Variants in TTC17 observed in about 807,000 individuals in gnomAD.
The protein encoded by TTC17 is tetratricopeptide repeat protein 17.
In TTC17, 58 loss-of-function variants were observed where a neutral mutation model predicts 143.8. The ratio of observed to expected loss-of-function variants is 0.40; its 90% CI spans 0.33 to 0.50. TTC17 has a LOEUF of 0.50. Ranked by LOEUF, TTC17 falls within the 20% of genes least tolerant of loss-of-function variation. The probability of loss-of-function intolerance (pLI) is 0.49; values close to 1 mark genes in which losing one functional copy is unlikely to be tolerated. For synonymous variants in TTC17, 501 were observed against 497.8 expected, an observed-to-expected ratio of 1.01 and a Z score of -0.09; for missense variants, 1,273 against 1,392.5, an observed-to-expected ratio of 0.91 and a Z score of 1.37.
intron 21 of TTC17, among the ~76,000 whole-genome samples, chr11:43,475,736 C>G (rs1006274160): frequency 6.6e-6 from 1 of 152,130 alleles, no homozygotes; most frequent in Admixed American, 6.6e-5. Flanking sequence ...CGTTGGTGCT[C>G]AAAAAGTTTG....
Position 43,407,471 on chromosome 11 carries a change from A to C in TTC17, c.1958A>C (p.Tyr653Ser). 1 of 1,614,078 alleles carries C rather than the reference A, an allele frequency of 6.2e-7. No individual in the cohort carries two copies. Among genetic ancestry groups the C allele is most frequent in the South Asian group, 1.1e-5 (1 of 91,072 alleles). The change falls in exon 15 of 24, where the codon TAC becomes TCC. Residue 653 changes from tyrosine (Y) to serine (S), a missense_variant. By Grantham distance (144) the Tyr-to-Ser change is moderately radical. Around this residue, in one of 3 missense-constraint regions of TTC17, gnomAD observed 878 missense variants for 899.8 expected, o/e 0.98. Coordinates refer to ENST00000039989, the MANE Select transcript of TTC17 (RefSeq NM_018259.6). ...QRALNLAPLQ[Y>S]QDVPLVNLAN... ...GCTTTGAATTTAGCTCCACTTCAAT[A>C]CCAAGATGTTCCTCTTGTCAACTTG...
chr11:43,431,276 G>T (rs1373993630), intron 16 of TTC17, among the ~76,000 whole-genome samples: 1 of 152,114 alleles, frequency 6.6e-6, no homozygotes, highest in African/African-American at 2.4e-5. Context: ...ATAATCCTTT[G>T]GTTATATACC....
intron 21 of TTC17, among the ~76,000 whole-genome samples, chr11:43,487,135 TTTTG>T (rs780529918): frequency 5.2e-4 from 79 of 152,260 alleles, no homozygotes; most frequent in Admixed American, 1.6e-3. Flanking sequence ...GAAATAACTT[TTTTG>T]TTTGTTTGTT....
intron 1 of TTC17, among the ~76,000 whole-genome samples, chr11:43,365,533 G>A (rs577984000): frequency 6.6e-6 from 1 of 152,284 alleles, no homozygotes; most frequent in South Asian, 2.1e-4. Context: ...CTCCCAAAGT[G>A]CTGGGATTAC....
intron 18 of TTC17, among the ~76,000 whole-genome samples, chr11:43,447,210 AAACTT>A (rs1947562867): frequency 6.6e-6 from 1 of 152,086 alleles, no homozygotes; most frequent in African/African-American, 2.4e-5. Context: ...AAAATGGAAA[AAACTT>A]AACCACATGA....
At chr11:43,398,159 C>G in intron 8 of TTC17, 46 bp downstream of exon 8, 1 of 1,607,044 alleles carries the variant, frequency 6.2e-7, no homozygotes. Flanking sequence ...ACTATCGAAC[C>G]TTAGGTTAAA....
At chr11:43,468,741 C>T (rs1401652765) in intron 21 of TTC17, among the ~76,000 whole-genome samples, 1 of 152,092 alleles carries the variant, frequency 6.6e-6, no homozygotes, top group Admixed American at 6.5e-5. Context: ...TCAAGACCAA[C>T]CAGGGCAACA....
At chr11:43,447,616 G>A (rs1264377043) in intron 18 of TTC17, 1 of 166,680 alleles carries the variant, frequency 6.0e-6, no homozygotes, top group African/African-American at 2.4e-5. Flanking sequence ...ACCAGGTTGA[G>A]AAACCCTGCT....
intron 2 of TTC17, 36 bp from the exon 3 acceptor site, chr11:43,389,616 G>A (rs1351475728): frequency 1.3e-6 from 2 of 1,554,998 alleles, no homozygotes; most frequent in Admixed American, 2.0e-5. Flanking sequence ...TAAAATATTA[G>A]AAGAATCCAT....
At position 43,403,959 on chromosome 11, in the gene TTC17, C is replaced by T. The variant is rs376293948; in HGVS notation, c.1333-39C>T. 1.1e-5 allele frequency: 17 copies of T among 1,536,016 alleles called. No individual in the cohort carries two copies. In the African/African-American group the frequency reaches 1.7e-4, roughly 15 times the overall value. On this transcript the variant is annotated intron_variant, in intron 10 of 23. Coordinates refer to ENST00000039989, the MANE Select transcript of TTC17 (RefSeq NM_018259.6). ...TAAATTATAATCACAACTCCTTTTC[C>T]ACTTTCAATTTGATTGAACTTTTTG...
intron 21 of TTC17, among the ~76,000 whole-genome samples, chr11:43,483,086 G>A (rs918664832): frequency 6.6e-6 from 1 of 151,984 alleles, no homozygotes; most frequent in Non-Finnish European, 1.5e-5. Flanking sequence ...TTTGAAAACA[G>A]GTAGACAATT....
chr11:43,417,971 T>C (rs1037834522), intron 16 of TTC17, among the ~76,000 whole-genome samples: 3 of 152,250 alleles, frequency 2.0e-5, no homozygotes, highest in Non-Finnish European at 2.9e-5. Context: ...TTTGTTATTT[T>C]TCATATATAA....
rs1414908124 is a variant in TTC17, at chr11:43,401,563, T to C, written c.1332+5T>C. 3 of 1,592,500 alleles carry C rather than the reference T, an allele frequency of 1.9e-6. No homozygotes were observed. The highest frequency in any genetic ancestry group is 2.6e-6 in the Non-Finnish European group (3 of 1,165,508). On this transcript the variant is annotated splice_donor_5th_base_variant and intron_variant, in intron 10 of 23. Transcript: ENST00000039989. ...GAAAATGTGGACTATGTTCAGGTCT[T>C]TTTCTTGGTCCAGTCTAATTCTTAT...
intron 21 of TTC17, among the ~76,000 whole-genome samples, chr11:43,463,139 C>G (rs1430230858): frequency 6.6e-6 from 1 of 152,008 alleles, no homozygotes; most frequent in African/African-American, 2.4e-5. Context: ...TGGTCTCAAA[C>G]TCCTGACCTC....
chr11:43,405,893 A>G lies in TTC17; in HGVS notation c.1703A>G (p.Lys568Arg), dbSNP rs757607544. 8 of 1,613,914 alleles carry G rather than the reference A, an allele frequency of 5.0e-6. No homozygotes were observed. Among genetic ancestry groups the G allele is most frequent in the East Asian group, 2.2e-5 (1 of 44,898 alleles). The stretch of plus-strand genomic sequence containing the variant: ...AGCCACACTCTGTCCTACTTAGTCA[A>G]AGAATTAGAGGTTCGCATGGATCTG... Reference protein sequence around the residue: ...RKSHTLSYLVKELEVRMDLKA... With the variant: ...RKSHTLSYLVRELEVRMDLKA... The change falls in exon 13 of 24, where the codon AAA becomes AGA. Residue 568 changes from lysine (K) to arginine (R), a missense_variant. Transcript: ENST00000039989.
intron 16 of TTC17, among the ~76,000 whole-genome samples, chr11:43,438,303 G>A (rs1436990740): frequency 6.6e-6 from 1 of 152,186 alleles, no homozygotes; most frequent in East Asian, 1.9e-4. Flanking sequence ...GATTACAGGT[G>A]CATGCCACCA....
intron 21 of TTC17, among the ~76,000 whole-genome samples, chr11:43,489,486 C>T (rs1948434691): frequency 6.6e-6 from 1 of 151,950 alleles, no homozygotes; most frequent in East Asian, 1.9e-4. Flanking sequence ...GCCTGTAATC[C>T]CAGCACTTTG....
intron 1 of TTC17, among the ~76,000 whole-genome samples, chr11:43,369,402 G>T (rs1011047895): frequency 1.4e-4 from 21 of 152,276 alleles, no homozygotes; most frequent in African/African-American, 5.1e-4. Flanking sequence ...ATTTACAGCT[G>T]TAAGGATACA....
intron 21 of TTC17, among the ~76,000 whole-genome samples, chr11:43,478,631 A>C (rs1245631498): frequency 6.6e-6 from 1 of 152,088 alleles, no homozygotes; most frequent in African/African-American, 2.4e-5. Flanking sequence ...TTAAAGTGAC[A>C]GGGTCTCCAT....
Sources: allele counts gnomAD v4.1 joint callset (sites outside exome capture counted in the v4.1 genomes callset), GRCh38; gene constraint gnomAD v4.1.1; regional missense constraint gnomAD v4.1.1; transcripts MANE v1.5; gene names NCBI Gene and HGNC (gene_info 2026-07-23, HGNC 2026-07-21).